Variants in ALG14 observed in about 807,000 individuals in gnomAD.
The protein encoded by ALG14 is UDP-N-acetylglucosamine transferase subunit ALG14.
ALG14 carries 17 observed loss-of-function variants against 22.8 expected under a neutral mutation model. The observed-to-expected ratio is 0.75, with a 90% CI of 0.51 to 1.12. The LOEUF (loss-of-function observed/expected upper bound fraction) is 1.12, where lower values mean the gene tolerates loss of function less well. ALG14 is among the 50% of genes most tolerant of loss of function. The pLI is 0.00. For synonymous variants in ALG14, 89 were observed against 103.7 expected (o/e 0.86, Z 0.86); for missense variants, 288 against 271.8 (o/e 1.06, Z -0.42).
chr1:95,011,465 G>A lies in ALG14; in HGVS notation c.420+15664C>T, dbSNP rs112689621. Among the ~76,000 whole-genome samples the A allele has an allele frequency of 4.6e-3, 687 of 150,152 alleles. 2 individuals carry two copies. Among genetic ancestry groups the A allele is most frequent in the African/African-American group, 0.012 (494 of 40,778 alleles). On this transcript the variant is annotated intron_variant, in intron 3 of 3. Transcript: ENST00000370205. ...TTTTGAGACAGAGTCTCACTCTGTC[G>A]CCCAGGCTGGAGTATAGTGGTGTGA... is the stretch of plus-strand genomic sequence containing the variant.
chr1:95,012,487 C>T (rs1055890593), intron 3 of ALG14, among the ~76,000 whole-genome samples: 4 of 152,154 alleles, frequency 2.6e-5, no homozygotes, highest in Admixed American at 6.5e-5. Flanking sequence ...CAGTGGAGTC[C>T]AATAAGATTT....
chr1:95,072,877 C>G lies in ALG14; in HGVS notation c.22G>C (p.Ala8Pro). Residue 8 changes from alanine (A) to proline (P), a missense_variant, in exon 1 of 4, where the codon GCT (alanine) becomes CCT (proline). Physicochemically the swap from Ala to Pro is conservative, Grantham distance 27. Transcript: ENST00000370205. The part of the protein sequence containing the change: MVCVLVL[A>P]AAAGAVAVFL... ...ACCGCCACAGCTCCTGCGGCCGCAGCTAGAACGAGAACGCACACCATGCAG... is the reference window on the plus strand; with the variant it reads ...ACCGCCACAGCTCCTGCGGCCGCAGGTAGAACGAGAACGCACACCATGCAG... 6.8e-6 allele frequency: 11 copies of G among 1,614,098 alleles called. No homozygotes were observed. Among genetic ancestry groups the G allele is most frequent in the Non-Finnish European group, 9.3e-6 (11 of 1,180,022 alleles).
chr1:94,985,370 C>A (rs1672616107), intron 3 of ALG14, among the ~76,000 whole-genome samples: 2 of 152,218 alleles, frequency 1.3e-5, no homozygotes, highest in Non-Finnish European at 2.9e-5. Flanking sequence ...TTCGCAGCAT[C>A]CCTGGCCTCT....
intron 1 of ALG14, among the ~76,000 whole-genome samples, chr1:95,066,521 C>A (rs983334855): frequency 6.6e-6 from 1 of 152,072 alleles, no homozygotes; most frequent in East Asian, 1.9e-4. Context: ...CCATGCCAAG[C>A]CCACATTTTT....
intron 1 of ALG14, 83 bp downstream of exon 1, chr1:95,072,679 AG>A: frequency 6.5e-7 from 1 of 1,550,152 alleles, no homozygotes; most frequent in Non-Finnish European, 8.8e-7. Flanking sequence ...AGAAGTGCTA[AG>A]GGTACCAGGG....
At chr1:95,052,586 A>G (rs1341877458) in intron 2 of ALG14, among the ~76,000 whole-genome samples, 1 of 152,190 alleles carries the variant, frequency 6.6e-6, no homozygotes, top group African/African-American at 2.4e-5. Flanking sequence ...GGCCAGGCGC[A>G]GTGGCTCACA....
At chr1:94,994,280 G>A (rs1405278619) in intron 3 of ALG14, among the ~76,000 whole-genome samples, 1 of 152,118 alleles carries the variant, frequency 6.6e-6, no homozygotes, top group Non-Finnish European at 1.5e-5. Context: ...ACTCTGAAAT[G>A]TTTTCACAGA....
chr1:94,996,063 ATGAGTT>A (rs1672901434), intron 3 of ALG14, among the ~76,000 whole-genome samples: 2 of 152,226 alleles, frequency 1.3e-5, no homozygotes, highest in South Asian at 4.1e-4. Flanking sequence ...CAGGAAAGCA[ATGAGTT>A]TATCCCAGTT....
At chr1:95,019,836 C>T (rs1029512895) in intron 3 of ALG14, among the ~76,000 whole-genome samples, 1 of 152,054 alleles carries the variant, frequency 6.6e-6, no homozygotes, top group South Asian at 2.1e-4. Flanking sequence ...CAAAATTAGC[C>T]GGGCATAGTG....
intron 2 of ALG14, among the ~76,000 whole-genome samples, chr1:95,046,865 A>C (rs1025703566): frequency 3.3e-5 from 5 of 152,160 alleles, no homozygotes; most frequent in African/African-American, 7.2e-5. Flanking sequence ...TGGGAGGCTG[A>C]GGTGGGTGGA....
intron 3 of ALG14, among the ~76,000 whole-genome samples, chr1:95,010,707 C>T (rs1390410436): frequency 6.6e-6 from 1 of 152,134 alleles, no homozygotes; most frequent in Non-Finnish European, 1.5e-5. Flanking sequence ...CTATTGTATA[C>T]TGATATTTCT....
At chr1:94,983,403 T>C (rs1353078065) in intron 3 of ALG14, 97 bp from the exon 4 acceptor site, 2 of 978,694 alleles carry the variant, frequency 2.0e-6, no homozygotes, top group Non-Finnish European at 3.1e-6. Context: ...GGGGATCTGC[T>C]TATGATTCTA....
intron 3 of ALG14, among the ~76,000 whole-genome samples, chr1:95,002,253 G>T (rs906814420): frequency 6.6e-6 from 1 of 152,048 alleles, no homozygotes; most frequent in Non-Finnish European, 1.5e-5. Flanking sequence ...CTGGGGGGGG[G>T]AACCTGGAAG....
chr1:95,046,379 A>C (rs1674556672), intron 2 of ALG14, among the ~76,000 whole-genome samples: 1 of 152,230 alleles, frequency 6.6e-6, no homozygotes, highest in African/African-American at 2.4e-5. Context: ...TAGAAGTGCG[A>C]ACCCTATTGT....
intron 3 of ALG14, among the ~76,000 whole-genome samples, chr1:95,026,077 C>T (rs1056188068): frequency 2.6e-5 from 4 of 152,100 alleles, no homozygotes; most frequent in Non-Finnish European, 4.4e-5. Flanking sequence ...GGACTACAGG[C>T]GCCCACCACC....
intron 2 of ALG14, chr1:95,062,018 T>C (rs1231830821): frequency 2.0e-5 from 3 of 151,920 alleles, no homozygotes; most frequent in African/African-American, 7.3e-5. Context: ...AATGCTATAA[T>C]GAAGTGAGCA....
chr1:95,019,812 C>T (rs1237970650), intron 3 of ALG14, among the ~76,000 whole-genome samples: 1 of 152,150 alleles, frequency 6.6e-6, no homozygotes, highest in Non-Finnish European at 1.5e-5. Context: ...GAAACCCTGT[C>T]TCTACTAAAA....
chr1:95,066,158 TAGTGATACA>T (rs1223308201), intron 1 of ALG14, among the ~76,000 whole-genome samples: 1 of 152,132 alleles, frequency 6.6e-6, no homozygotes, highest in Non-Finnish European at 1.5e-5. Context: ...AAAGAGTATA[TAGTGATACA>T]AGAACACAAA....
intron 3 of ALG14, among the ~76,000 whole-genome samples, chr1:94,992,306 C>T (rs1445419258): frequency 2.0e-5 from 3 of 152,120 alleles, no homozygotes; most frequent in East Asian, 1.9e-4. Flanking sequence ...AATTTTTCAG[C>T]TCTATTATAA....
Sources: allele counts gnomAD v4.1 joint callset (sites outside exome capture counted in the v4.1 genomes callset), GRCh38; gene constraint gnomAD v4.1.1; transcripts MANE v1.5; gene names NCBI Gene and HGNC (gene_info 2026-07-23, HGNC 2026-07-21).